Variants in TNNI3K observed in about 807,000 individuals in gnomAD.
TNNI3K encodes TNNI3 interacting kinase, also known as serine/threonine-protein kinase TNNI3K.
In TNNI3K, 140 loss-of-function variants were observed where a neutral mutation model predicts 114.5. The ratio of observed to expected loss-of-function variants is 1.22; its 90% CI spans 1.07 to 1.41. The LOEUF (loss-of-function observed/expected upper bound fraction) is 1.41. Ranked by LOEUF, TNNI3K falls within the 40% of genes most tolerant of loss-of-function variation. The pLI, the probability that TNNI3K is intolerant of heterozygous loss-of-function variation, is 0.00. For synonymous variants in TNNI3K, 347 were observed against 347.5 expected (o/e 1.00, Z 0.02); for missense variants, 1,125 against 1,007.6 (o/e 1.12, Z -1.58).
chr1:74,381,265 T>C (rs1294161380), intron 17 of TNNI3K, among the ~76,000 whole-genome samples: 1 of 152,206 alleles, frequency 6.6e-6, no homozygotes, highest in African/African-American at 2.4e-5. Flanking sequence ...ACATCCCAGC[T>C]CTGCCACATT....
intron 7 of TNNI3K, among the ~76,000 whole-genome samples, chr1:74,336,865 C>T (rs1160471881): frequency 1.3e-5 from 2 of 152,086 alleles, no homozygotes; most frequent in East Asian, 1.9e-4. Context: ...GGTATATACC[C>T]AGTAATGGAT....
At chr1:74,403,100 A>G (rs1001127735) in intron 17 of TNNI3K, among the ~76,000 whole-genome samples, 2 of 152,090 alleles carry the variant, frequency 1.3e-5, no homozygotes, top group African/African-American at 2.4e-5. Flanking sequence ...GGTGTGTTCT[A>G]TCTATGTGCT....
chr1:74,305,285 A>T (rs1271757743), intron 5 of TNNI3K, among the ~76,000 whole-genome samples: 1 of 152,208 alleles, frequency 6.6e-6, no homozygotes, highest in Non-Finnish European at 1.5e-5. Flanking sequence ...GTAGAAGCCT[A>T]CTTCAGGACT....
At chr1:74,379,822 T>C (rs988201791) in intron 17 of TNNI3K, among the ~76,000 whole-genome samples, 1 of 152,268 alleles carries the variant, frequency 6.6e-6, no homozygotes, top group African/African-American at 2.4e-5. Flanking sequence ...TGTCCTTTAG[T>C]CCTGAGTTGT....
At chr1:74,491,346 A>C (rs1570694072) in intron 22 of TNNI3K, among the ~76,000 whole-genome samples, 1 of 152,264 alleles carries the variant, frequency 6.6e-6, no homozygotes, top group Non-Finnish European at 1.5e-5. Context: ...CAGCCTCCCC[A>C]GTAGCTGGGA....
chr1:74,261,456 A>G (rs1013062597), intron 4 of TNNI3K, among the ~76,000 whole-genome samples: 3 of 152,130 alleles, frequency 2.0e-5, no homozygotes, highest in African/African-American at 7.2e-5. Context: ...AAATGTATAT[A>G]AGCAGATTTT....
At chr1:74,467,490 T>TA (rs1186701065) in intron 21 of TNNI3K, among the ~76,000 whole-genome samples, 1 of 151,392 alleles carries the variant, frequency 6.6e-6, no homozygotes, top group East Asian at 1.9e-4. Flanking sequence ...TGGAAAACAG[T>TA]AAGAGGTAGA....
chr1:74,319,755 G>A (rs1166757242), intron 5 of TNNI3K, among the ~76,000 whole-genome samples: 1 of 152,172 alleles, frequency 6.6e-6, no homozygotes, highest in African/African-American at 2.4e-5. Flanking sequence ...GTCATGCAGG[G>A]AACAAGAAAC....
At chr1:74,322,489 C>A (rs902956065) in intron 5 of TNNI3K, among the ~76,000 whole-genome samples, 10 of 138,340 alleles carry the variant, frequency 7.2e-5, no homozygotes, top group African/African-American at 2.7e-4. Context: ...GTCATGGAGT[C>A]TCACTCTGTT....
At chr1:74,504,498 G>A (rs1669790189) in intron 23 of TNNI3K, among the ~76,000 whole-genome samples, 2 of 152,164 alleles carry the variant, frequency 1.3e-5, no homozygotes, top group South Asian at 4.1e-4. Flanking sequence ...CCCTTAGTTT[G>A]AAACAGCCTT....
At chr1:74,305,264 G>C (rs918214760) in intron 5 of TNNI3K, among the ~76,000 whole-genome samples, 8 of 152,168 alleles carry the variant, frequency 5.3e-5, no homozygotes, top group African/African-American at 1.9e-4. Flanking sequence ...CCAGGTTGAA[G>C]TGACCGCACT....
At chr1:74,301,707 G>T (rs1010398009) in intron 5 of TNNI3K, among the ~76,000 whole-genome samples, 1 of 152,072 alleles carries the variant, frequency 6.6e-6, no homozygotes, top group Non-Finnish European at 1.5e-5. Context: ...GAATTTTCCT[G>T]TCCCACTCAC....
Position 74,445,612 on chromosome 1 carries a change from C to CTTTTTTTTT in TNNI3K, c.2011+5997_2011+5998insTTTTTTTTT, listed in dbSNP as rs773728606. 1.3e-4 allele frequency among the ~76,000 whole-genome samples: 17 copies of CTTTTTTTTT among 131,474 alleles called. 1 individual carries two copies. Among genetic ancestry groups the CTTTTTTTTT allele is most frequent in the East Asian group, 4.3e-4 (2 of 4,694 alleles). The allele number at this position is 131,474 out of a possible 152,430, so 86.3% of individuals were successfully genotyped here. ...ATATGTTCCACATTTTCTTTTTTTT[C>CTTTTTTTTT]TTTTTTTCTTTTTTTTGAGACGGAG... On this transcript the variant is annotated intron_variant, in intron 20 of 24. Coordinates refer to ENST00000326637, the MANE Select transcript of TNNI3K (RefSeq NM_015978.3).
intron 4 of TNNI3K, among the ~76,000 whole-genome samples, chr1:74,264,979 T>C (rs1001243482): frequency 4.6e-5 from 7 of 151,972 alleles, no homozygotes; most frequent in African/African-American, 1.7e-4. Flanking sequence ...AAATGAGGAA[T>C]ATAAGGTCAG....
At chr1:74,430,640 A>G (rs1665850786) in intron 17 of TNNI3K, among the ~76,000 whole-genome samples, 1 of 152,162 alleles carries the variant, frequency 6.6e-6, no homozygotes, top group Admixed American at 6.5e-5. Context: ...TTAAGGTTAA[A>G]AGAACATTAT....
At chr1:74,473,238 T>C (rs1007358324) in intron 21 of TNNI3K, among the ~76,000 whole-genome samples, 3 of 152,144 alleles carry the variant, frequency 2.0e-5, no homozygotes, top group East Asian at 1.9e-4. Flanking sequence ...CTTATAACTT[T>C]TACAGATGAA....
intron 23 of TNNI3K, among the ~76,000 whole-genome samples, chr1:74,533,056 T>C (rs906461454): frequency 2.6e-5 from 4 of 152,110 alleles, no homozygotes; most frequent in African/African-American, 9.7e-5. Context: ...AAAGCCAAAA[T>C]TGACAAATGG....
chr1:74,237,957 G>A (rs1466056670), intron 2 of TNNI3K, among the ~76,000 whole-genome samples: 1 of 151,962 alleles, frequency 6.6e-6, no homozygotes, highest in African/African-American at 2.4e-5. Context: ...CACATGGTCA[G>A]TAAATTCTGG....
chr1:74,410,455 T>A (rs1161207479), intron 17 of TNNI3K, among the ~76,000 whole-genome samples: 1 of 152,216 alleles, frequency 6.6e-6, no homozygotes, highest in Non-Finnish European at 1.5e-5. Context: ...CAAATTTTCA[T>A]AACACAAATG....
Sources: allele counts gnomAD v4.1 joint callset (sites outside exome capture counted in the v4.1 genomes callset), GRCh38; gene constraint gnomAD v4.1.1; transcripts MANE v1.5; gene names NCBI Gene and HGNC (gene_info 2026-07-23, HGNC 2026-07-21).